GRIK2: variants seen among roughly 807,000 people sequenced by gnomAD.
The protein encoded by GRIK2 is glutamate receptor ionotropic, kainate 2.
GRIK2 carries 32 observed loss-of-function variants against 100.3 expected under a neutral mutation model. The observed-to-expected ratio is 0.32, with a 90% CI of 0.24 to 0.43. The LOEUF is 0.43. GRIK2 is among the 20% of genes least tolerant of loss of function. The probability of loss-of-function intolerance (pLI) is 1.00; values close to 1 mark genes in which losing one functional copy is unlikely to be tolerated. For missense variants in GRIK2, 843 were observed against 1,114.9 expected (o/e 0.76, Z 3.47); for synonymous variants, 417 against 389.4 (o/e 1.07, Z -0.83).
In GRIK2 at chr6:101,672,734, A is replaced by G. The variant is rs529034976; in HGVS notation, c.542-3889A>G. Among the ~76,000 whole-genome samples the G allele has an allele frequency of 3.9e-5, 6 of 152,240 alleles. No individual in the cohort carries two copies. The East Asian group carries it at 1.2e-3, about 29-fold the overall frequency. On this transcript the variant is annotated intron_variant, in intron 4 of 16. Transcript: ENST00000369134. The stretch of plus-strand genomic sequence containing the variant: ...TTTTTCAGTCATTAGTTCACTTCAA[A>G]TAATGAACTCCAGCTCTGTCTGTGT...
At chr6:101,423,447 C>T (rs769282204) in intron 2 of GRIK2, among the ~76,000 whole-genome samples, 1 of 152,066 alleles carries the variant, frequency 6.6e-6, no homozygotes, top group South Asian at 2.1e-4. Flanking sequence ...TCCACATTCT[C>T]GACAGCACTT....
At chr6:101,791,830 G>T (rs2128408507) in intron 7 of GRIK2, among the ~76,000 whole-genome samples, 1 of 151,676 alleles carries the variant, frequency 6.6e-6, no homozygotes, top group Non-Finnish European at 1.5e-5. Context: ...CATTATTATT[G>T]TGTGGGAGTC....
At chr6:102,058,527 A>C (rs891139024) in intron 16 of GRIK2, among the ~76,000 whole-genome samples, 24 of 151,654 alleles carry the variant, frequency 1.6e-4, no homozygotes, top group Non-Finnish European at 2.8e-4. Flanking sequence ...ATTTATTCTG[A>C]TAAATTAGGT....
At chr6:101,955,568 G>T in intron 14 of GRIK2, among the ~76,000 whole-genome samples, 1 of 126,310 alleles carries the variant, frequency 7.9e-6, no homozygotes, top group Non-Finnish European at 1.8e-5. Context: ...GAGCAACAGA[G>T]CAAGGCCTTC....
At chr6:101,839,551 A>G (rs190435336) in intron 10 of GRIK2, among the ~76,000 whole-genome samples, 3 of 152,292 alleles carry the variant, frequency 2.0e-5, no homozygotes, top group Admixed American at 1.3e-4. Flanking sequence ...GAAGGATTTA[A>G]AATACATGAA....
chr6:102,038,436 T>G (rs1770389940), intron 15 of GRIK2, among the ~76,000 whole-genome samples: 1 of 151,108 alleles, frequency 6.6e-6, no homozygotes, highest in Non-Finnish European at 1.5e-5. Flanking sequence ...TTGCTATCAC[T>G]CTCTCCTGGT....
chr6:101,790,982 A>G (rs1442166214), intron 7 of GRIK2, among the ~76,000 whole-genome samples: 5 of 152,056 alleles, frequency 3.3e-5, no homozygotes, highest in African/African-American at 1.2e-4. Flanking sequence ...TAGATTTTCT[A>G]GTTTATTTGC....
intron 14 of GRIK2, among the ~76,000 whole-genome samples, chr6:101,952,648 G>C (rs190148253): frequency 6.6e-6 from 1 of 151,588 alleles, no homozygotes; most frequent in Non-Finnish European, 1.5e-5. Context: ...CATCTCTCAG[G>C]CTGGAGTGCA....
intron 2 of GRIK2, among the ~76,000 whole-genome samples, chr6:101,451,155 T>C (rs955113117): frequency 6.6e-6 from 1 of 151,728 alleles, no homozygotes; most frequent in Admixed American, 6.6e-5. Context: ...CCTGCGGAAA[T>C]TCTACTTAAT....
At chr6:102,051,687 C>T (rs1771205272) in intron 15 of GRIK2, among the ~76,000 whole-genome samples, 4 of 152,016 alleles carry the variant, frequency 2.6e-5, no homozygotes, top group South Asian at 4.1e-4. Flanking sequence ...AACTGAAGGC[C>T]GTCTATTTTG....
At chr6:102,029,343 C>T in intron 14 of GRIK2, among the ~76,000 whole-genome samples, 1 of 151,216 alleles carries the variant, frequency 6.6e-6, no homozygotes, top group East Asian at 1.9e-4. Flanking sequence ...GGTTGTTTTC[C>T]ACGTATAATC....
chr6:101,674,500 T>C (rs1040410352), intron 4 of GRIK2, among the ~76,000 whole-genome samples: 1 of 152,192 alleles, frequency 6.6e-6, no homozygotes, highest in South Asian at 2.1e-4. Flanking sequence ...TGTATAGTTT[T>C]CTGTACATAT....
At chr6:102,061,666 C>A (rs1771759532) in intron 16 of GRIK2, among the ~76,000 whole-genome samples, 1 of 150,336 alleles carries the variant, frequency 6.7e-6, no homozygotes, top group South Asian at 2.1e-4. Context: ...CTCTATTCTT[C>A]TTTTTAAATA....
At chr6:101,471,202 C>T (rs1213756558) in intron 2 of GRIK2, among the ~76,000 whole-genome samples, 4 of 152,004 alleles carry the variant, frequency 2.6e-5, no homozygotes, top group African/African-American at 7.2e-5. Context: ...TGACTTTGGA[C>T]AATTCCTTTA....
At chr6:101,678,224 T>G (rs1770982740) in intron 5 of GRIK2, among the ~76,000 whole-genome samples, 1 of 152,132 alleles carries the variant, frequency 6.6e-6, no homozygotes, top group Non-Finnish European at 1.5e-5. Flanking sequence ...CTCACTATTT[T>G]GCTATCTGGA....
intron 7 of GRIK2, among the ~76,000 whole-genome samples, chr6:101,731,298 A>G (rs1196033257): frequency 6.6e-6 from 1 of 151,974 alleles, no homozygotes; most frequent in Non-Finnish European, 1.5e-5. Context: ...TGAGTGCTAC[A>G]AAGGGAACGA....
intron 7 of GRIK2, among the ~76,000 whole-genome samples, chr6:101,781,052 T>C (rs555026319): frequency 4.6e-5 from 7 of 152,360 alleles, no homozygotes; most frequent in South Asian, 2.1e-4. Flanking sequence ...TATGATTCTA[T>C]AATTTCTTTT....
chr6:101,740,734 A>G (rs184083412), intron 7 of GRIK2, among the ~76,000 whole-genome samples: 34 of 152,326 alleles, frequency 2.2e-4, no homozygotes, highest in African/African-American at 7.7e-4. Context: ...GAAACTTTCA[A>G]TCATGGCAGA....
rs1225209254 is a variant in GRIK2 at position 102,035,415 on chromosome 6, T to G, written c.2160T>G (p.Ser720Arg). 6.2e-7 allele frequency: 1 copy of G among 1,609,262 alleles called. No individual in the cohort carries two copies. Among genetic ancestry groups the G allele is most frequent in the Admixed American group, 1.7e-5 (1 of 59,652 alleles). The change falls in exon 15 of 17, where the codon AGT (serine) becomes AGG (arginine). Residue 720 changes from serine to arginine, a missense_variant. By Grantham distance (110) the Ser-to-Arg change is moderately radical. Coordinates refer to ENST00000369134, the MANE Select transcript of GRIK2 (RefSeq NM_021956.5). ...SSRRQSVLVK[S>R]NEEGIQRVLT... Reference sequence around the variant, plus strand: ...GAAGGCAGTCAGTGCTGGTCAAAAGTAATGAAGAAGGAATCCAGCGAGTCC... The same window carrying G: ...GAAGGCAGTCAGTGCTGGTCAAAAGGAATGAAGAAGGAATCCAGCGAGTCC...
Sources: allele counts gnomAD v4.1 joint callset (sites outside exome capture counted in the v4.1 genomes callset), GRCh38; gene constraint gnomAD v4.1.1; transcripts MANE v1.5; gene names NCBI Gene and HGNC (gene_info 2026-07-23, HGNC 2026-07-21).